The following GPR158 variants were observed in gnomAD, a reference collection of about 807,000 sequenced individuals.
GPR158 encodes the protein metabotropic glycine receptor.
A neutral mutation model predicts 78.2 loss-of-function variants in GPR158; 30 were observed. That is an observed-to-expected ratio of 0.38 (90% confidence interval 0.29 to 0.52). The LOEUF (loss-of-function observed/expected upper bound fraction) is 0.52. Among genes scored for constraint, GPR158 ranks in the 20% least tolerant of loss-of-function variants. The pLI is 0.83. For missense variants in GPR158, 1,463 were observed against 1,523.5 expected, an observed-to-expected ratio of 0.96 and a Z score of 0.66; for synonymous variants, 581 against 591.1, an observed-to-expected ratio of 0.98 and a Z score of 0.25.
At chr10:25,595,865 AAGTTATAAATTTTAT>A (rs1837398049) in intron 9 of GPR158, among the ~76,000 whole-genome samples, 1 of 152,342 alleles carries the variant, frequency 6.6e-6, no homozygotes, top group African/African-American at 2.4e-5. Context: ...ATACACTTTA[AAGTTATAAATTTTAT>A]AGTATGTGTG....
intron 2 of GPR158, among the ~76,000 whole-genome samples, chr10:25,336,565 A>G (rs1418043402): frequency 6.6e-6 from 1 of 152,078 alleles, no homozygotes; most frequent in Admixed American, 6.6e-5. Context: ...TGGTTTAACC[A>G]AGGGCATGTT....
intron 6 of GPR158, among the ~76,000 whole-genome samples, chr10:25,566,609 A>G (rs971696970): frequency 6.6e-6 from 1 of 152,264 alleles, no homozygotes; most frequent in Non-Finnish European, 1.5e-5. Context: ...TGCAGCTCAC[A>G]GAAACTGACA....
intron 5 of GPR158, among the ~76,000 whole-genome samples, chr10:25,529,527 A>G (rs1161754889): frequency 6.6e-6 from 1 of 152,162 alleles, no homozygotes; most frequent in Non-Finnish European, 1.5e-5. Flanking sequence ...GGCAAGTTGG[A>G]TTGGAGGTTG....
Position 25,575,795 on chromosome 10 carries a change from GA to G in GPR158, c.1753+2916del, listed in dbSNP as rs547621113. 2.3e-3 allele frequency among the ~76,000 whole-genome samples: 349 copies of G among 150,774 alleles called. 2 individuals are homozygous for G. The highest frequency in any genetic ancestry group is 8.0e-3 in the African/African-American group (330 of 41,046). On this transcript the variant is annotated intron_variant, in intron 7 of 10. Transcript: ENST00000376351. ...CTTTTCTCTTAGATGACTTCTACTT[GA>G]AAAAAAATAAACAGGAGCCATAACG... is the stretch of plus-strand genomic sequence containing the variant.
intron 3 of GPR158, among the ~76,000 whole-genome samples, chr10:25,397,628 A>G (rs1262386324): frequency 6.6e-6 from 1 of 152,128 alleles, no homozygotes; most frequent in Non-Finnish European, 1.5e-5. Flanking sequence ...GACTGTTTAC[A>G]TTTAACTTGT....
chr10:25,549,100 C>A (rs1475604871), intron 5 of GPR158, among the ~76,000 whole-genome samples: 1 of 152,130 alleles, frequency 6.6e-6, no homozygotes, highest in Non-Finnish European at 1.5e-5. Context: ...TCCACTGTTT[C>A]AGAAGAATTT....
At chr10:25,362,431 T>A (rs1855653973) in intron 2 of GPR158, among the ~76,000 whole-genome samples, 1 of 151,934 alleles carries the variant, frequency 6.6e-6, no homozygotes, top group Non-Finnish European at 1.5e-5. Context: ...TCTTGGCTAT[T>A]TGGGCTCCCT....
At chr10:25,357,320 A>G (rs1253594462) in intron 2 of GPR158, among the ~76,000 whole-genome samples, 1 of 152,162 alleles carries the variant, frequency 6.6e-6, no homozygotes, top group Admixed American at 6.5e-5. Context: ...AGCTGGCTGT[A>G]GAAATTTGCA....
intron 1 of GPR158, among the ~76,000 whole-genome samples, chr10:25,179,414 A>G (rs2130626228): frequency 6.6e-6 from 1 of 152,288 alleles, no homozygotes; most frequent in East Asian, 1.9e-4. Flanking sequence ...AGATTAGTTA[A>G]TATTTTCCCA....
At chr10:25,269,103 A>G (rs954379652) in intron 2 of GPR158, among the ~76,000 whole-genome samples, 5 of 152,216 alleles carry the variant, frequency 3.3e-5, no homozygotes, top group East Asian at 3.9e-4. Flanking sequence ...AAGCTGGCAC[A>G]TGGTTAACAC....
chr10:25,414,855 G>A (rs571987559), intron 4 of GPR158, among the ~76,000 whole-genome samples: 17 of 152,142 alleles, frequency 1.1e-4, no homozygotes, highest in South Asian at 6.2e-4. Flanking sequence ...TAATACAGAG[G>A]TAGCATTACA....
chr10:25,183,997 G>C (rs1406963508), intron 1 of GPR158, among the ~76,000 whole-genome samples: 1 of 152,148 alleles, frequency 6.6e-6, no homozygotes, highest in Non-Finnish European at 1.5e-5. Context: ...TTTTCTTTCA[G>C]TGGTACACAA....
intron 4 of GPR158, among the ~76,000 whole-genome samples, chr10:25,444,442 T>TTGAGTG (rs1835110981): frequency 6.6e-6 from 1 of 150,510 alleles, no homozygotes; most frequent in Non-Finnish European, 1.5e-5. Flanking sequence ...TATGTGGTGT[T>TTGAGTG]TGAGTGTGAG....
chr10:25,188,446 T>TGGAACAGAACAG (rs1852720501), intron 1 of GPR158, among the ~76,000 whole-genome samples: 1 of 152,080 alleles, frequency 6.6e-6, no homozygotes, highest in Admixed American at 6.6e-5. Context: ...TATAGACCAA[T>TGGAACAGAACAG]GGAACAGAAC....
intron 2 of GPR158, among the ~76,000 whole-genome samples, chr10:25,301,559 T>C (rs1000888972): frequency 2.6e-5 from 4 of 152,094 alleles, no homozygotes; most frequent in African/African-American, 9.7e-5. Context: ...AGATAAATTA[T>C]ATTGTGTGTG....
At chr10:25,550,661 T>C (rs1323275334) in intron 5 of GPR158, among the ~76,000 whole-genome samples, 3 of 152,184 alleles carry the variant, frequency 2.0e-5, no homozygotes. Context: ...GCAGGTTTGT[T>C]ACATATGTAT....
intron 1 of GPR158, among the ~76,000 whole-genome samples, chr10:25,197,804 CCTCT>C (rs1248320967): frequency 6.6e-6 from 1 of 152,016 alleles, no homozygotes; most frequent in East Asian, 1.9e-4. Context: ...AGTGTTTCCT[CCTCT>C]CTCTCTCCTA....
In GPR158 at chr10:25,406,323, A is replaced by T. The variant is rs182054794; in HGVS notation, c.1112-5927A>T. ...GAAAGTCAGATCTGAAGGGCATTGT[A>T]TACAGTTTTTAGAGGGATCCCAGCA... is the stretch of plus-strand genomic sequence containing the variant. On this transcript the variant is annotated intron_variant, in intron 3 of 10. Coordinates refer to ENST00000376351, the MANE Select transcript of GPR158 (RefSeq NM_020752.3). Among the ~76,000 whole-genome samples the T allele has an allele frequency of 5.3e-5, 8 of 152,238 alleles. No individual in the cohort carries two copies. In the East Asian group the frequency reaches 1.4e-3, roughly 26 times the overall value.
At position 25,586,282 on chromosome 10, in the gene GPR158, A is replaced by C. The variant is rs143731955; in HGVS notation, c.1754-2725A>C. Among the ~76,000 whole-genome samples, 703 of 152,152 alleles carry C rather than the reference A, an allele frequency of 4.6e-3. 2 individuals carry two copies. Among genetic ancestry groups the C allele is most frequent in the African/African-American group, 0.015 (643 of 41,530 alleles). On this transcript the variant is annotated intron_variant, in intron 7 of 10. Coordinates refer to ENST00000376351, the MANE Select transcript of GPR158 (RefSeq NM_020752.3). ...GAATAAATAAATAAAGTCAAGCAAC[A>C]TGGGCAGCTAATGTGAAGGCTGTGC...
Sources: allele counts gnomAD v4.1 joint callset (sites outside exome capture counted in the v4.1 genomes callset), GRCh38; gene constraint gnomAD v4.1.1; transcripts MANE v1.5; gene names NCBI Gene and HGNC (gene_info 2026-07-23, HGNC 2026-07-21).